The following RUBCNL variants were observed in gnomAD, a reference collection of about 807,000 sequenced individuals.
RUBCNL encodes rubicon like autophagy enhancer.
RUBCNL carries 62 observed loss-of-function variants against 69.5 expected under a neutral mutation model. The ratio of observed to expected loss-of-function variants is 0.89; its 90% CI spans 0.73 to 1.10. RUBCNL has a LOEUF of 1.10. Ranked by LOEUF, RUBCNL falls within the 50% of genes least tolerant of loss-of-function variation. RUBCNL has a pLI of 0.00. For synonymous variants in RUBCNL, 291 were observed against 303.6 expected (o/e 0.96, Z 0.43); for missense variants, 768 against 798.1 (o/e 0.96, Z 0.45).
Position 46,362,848 on chromosome 13 carries a change from T to C in RUBCNL, c.926-250A>G, listed in dbSNP as rs541432790. On this transcript the variant is annotated intron_variant, in intron 6 of 14. Coordinates refer to ENST00000429979, the MANE Select transcript of RUBCNL (RefSeq NM_025113.5). ...AGGCCAAAGAGATATCCGACCATAATGAATATCTGCTTTTTCATTCAACTC... is the reference window on the plus strand; with the variant it reads ...AGGCCAAAGAGATATCCGACCATAACGAATATCTGCTTTTTCATTCAACTC... 4.2e-5 allele frequency among the ~76,000 whole-genome samples: 6 copies of C among 143,392 alleles called. No individual in the cohort carries two copies. In the East Asian group the frequency reaches 1.2e-3, roughly 29 times the overall value. The allele number at this position is 143,392 out of a possible 152,430, so 94.1% of individuals were successfully genotyped here.
Position 46,368,220 on chromosome 13 carries a change from C to A in RUBCNL, c.648G>T (p.Met216Ile), listed in dbSNP as rs146752948. The A allele has an allele frequency of 1.1e-3, 1,740 of 1,613,556 alleles. 3 individuals carry two copies. The highest frequency in any genetic ancestry group is 1.4e-3 in the Non-Finnish European group (1,630 of 1,179,760). ...TCATTTTCTCCATTGCTGATATAAT[C>A]ATATCTGCAACATAAAAGTGGGCAT... is the stretch of plus-strand genomic sequence containing the variant. Reference protein sequence around the residue: ...KENAHFYVADMIISAMEKMKC... With the variant: ...KENAHFYVADIIISAMEKMKC... The change falls in exon 5 of 15, where the codon ATG becomes ATT. Residue 216 changes from methionine to isoleucine, a missense_variant. By Grantham distance (10) the Met-to-Ile change is conservative. Coordinates refer to ENST00000429979, the MANE Select transcript of RUBCNL (RefSeq NM_025113.5).
chr13:46,376,689 C>A (rs1293596744), intron 2 of RUBCNL, among the ~76,000 whole-genome samples: 2 of 152,234 alleles, frequency 1.3e-5, no homozygotes, highest in Non-Finnish European at 2.9e-5. Flanking sequence ...CCCCAAGCCC[C>A]ACAATCCTAC....
In RUBCNL at chr13:46,350,154, G is replaced by T; in HGVS notation, c.1528C>A (p.Gln510Lys). ...TCCTTGGCTTTCGCATACAGGCTTTGGCCGATGCTCAGCAAATTGAAAATG... is the reference window on the plus strand; with the variant it reads ...TCCTTGGCTTTCGCATACAGGCTTTTGCCGATGCTCAGCAAATTGAAAATG... ...QPIFNLLSIGQSLYAKAKELD... is the reference protein window; with the variant it reads ...QPIFNLLSIGKSLYAKAKELD... Residue 510 changes from glutamine to lysine, a missense_variant, in exon 11 of 15, where the codon CAA (glutamine) becomes AAA (lysine). Coordinates refer to ENST00000429979, the MANE Select transcript of RUBCNL (RefSeq NM_025113.5). 1 of 1,581,684 alleles carries T rather than the reference G, an allele frequency of 6.3e-7. No homozygotes were observed. Among genetic ancestry groups the T allele is most frequent in the African/African-American group, 1.3e-5 (1 of 74,360 alleles).
intron 1 of RUBCNL, among the ~76,000 whole-genome samples, chr13:46,383,322 C>T (rs553963250): frequency 6.6e-6 from 1 of 152,270 alleles, no homozygotes; most frequent in South Asian, 2.1e-4. Context: ...CAAATGAAGA[C>T]CTTACCCATC....
intron 8 of RUBCNL, among the ~76,000 whole-genome samples, chr13:46,360,205 A>G (rs762575542): frequency 1.3e-5 from 2 of 152,138 alleles, no homozygotes; most frequent in South Asian, 2.1e-4. Context: ...CCTGGCCAAC[A>G]TAGTGAAACC....
chr13:46,363,115 C>T lies in RUBCNL; in HGVS notation c.925G>A (p.Glu309Lys). The T allele has an allele frequency of 1.3e-6, 2 of 1,590,550 alleles. No homozygotes were observed. The highest frequency in any genetic ancestry group is 1.7e-6 in the Non-Finnish European group (2 of 1,167,010). Residue 309 changes from glutamate to lysine, a missense_variant and splice_region_variant, in exon 6 of 15, where the codon GAG becomes AAG. Transcript: ENST00000429979. ...CATCCAAACAGTTTCCAAATCTTAC[C>T]TAAAATAACAAATTCATCAACATCG... ...KCDVDEFVIL[E>K]LGDFNDITET...
intron 7 of RUBCNL, among the ~76,000 whole-genome samples, 183 bp downstream of exon 7, chr13:46,362,355 G>A (rs2048632555): frequency 6.6e-6 from 1 of 152,272 alleles, no homozygotes; most frequent in Middle Eastern, 3.4e-3. Flanking sequence ...TTTATATATT[G>A]TAAAACACTA....
upstream of RUBCNL, among the ~76,000 whole-genome samples, chr13:46,389,520 C>G (rs548101172): frequency 9.2e-5 from 14 of 152,276 alleles, no homozygotes; most frequent in South Asian, 2.9e-3. The surrounding 1 kb of genome is among the most constrained non-coding windows in gnomAD (Gnocchi z 4.2). Flanking sequence ...TAGTCCAAGG[C>G]AAGAAAATCG....
chr13:46,362,953 T>TAG (rs2048658919), intron 6 of RUBCNL, among the ~76,000 whole-genome samples, 162 bp downstream of exon 6: 1 of 68,194 alleles, frequency 1.5e-5, no homozygotes. Flanking sequence ...TATATATATA[T>TAG]ATATATATAT....
At chr13:46,348,894 G>A (rs1335971308) in intron 12 of RUBCNL, among the ~76,000 whole-genome samples, 1 of 152,138 alleles carries the variant, frequency 6.6e-6, no homozygotes, top group Non-Finnish European at 1.5e-5. Context: ...GAGCCACCGT[G>A]CCTGGCTGAT....
rs1178439469 is a variant in RUBCNL at position 46,339,616 on chromosome 13, T to C, written c.*3769A>G. Among the ~76,000 whole-genome samples, 2 of 152,064 alleles carry C rather than the reference T, an allele frequency of 1.3e-5. No homozygotes were observed. The highest frequency in any genetic ancestry group is 6.5e-5 in the Admixed American group (1 of 15,268). On this transcript the variant is annotated 3_prime_UTR_variant, in exon 15 of 15. Coordinates refer to ENST00000429979, the MANE Select transcript of RUBCNL (RefSeq NM_025113.5). ...GCTCAGGCCTGTAATCCCAGCACTT[T>C]TGGAAGCCGAAGCAGGCAGATCACC...
rs541703088 is a variant in RUBCNL, at chr13:46,363,305, T to C, written c.827-92A>G. On this transcript the variant is annotated intron_variant, in intron 5 of 14. Coordinates refer to ENST00000429979, the MANE Select transcript of RUBCNL (RefSeq NM_025113.5). Reference sequence around the variant, plus strand: ...ACCCAACTAAATAGAAATTGGGAAATGAAGAGGGCTAAAAGTTTAAGAGAA... The same window carrying C: ...ACCCAACTAAATAGAAATTGGGAAACGAAGAGGGCTAAAAGTTTAAGAGAA... 3 of 477,632 alleles carry C rather than the reference T, an allele frequency of 6.3e-6. No homozygotes were observed. The South Asian group carries it at 1.0e-4, about 16-fold the overall frequency. The allele number at this position is 477,632 out of a possible 1,614,324, so 29.6% of individuals were successfully genotyped here. A position where few individuals can be genotyped will look rare whatever the true frequency, so the allele number is the denominator to read the frequency against.
intron 2 of RUBCNL, among the ~76,000 whole-genome samples, chr13:46,373,033 G>GGGCCATCTCGGCTCACTGC (rs1201867463): frequency 8.6e-5 from 13 of 151,726 alleles, no homozygotes; most frequent in Non-Finnish European, 1.8e-4. Flanking sequence ...GAGTGCAGTG[G>GGGCCATCTCGGCTCACTGC]GGCCATCTCG....
chr13:46,384,261 T>G (rs529772363), intron 1 of RUBCNL, among the ~76,000 whole-genome samples: 2 of 152,326 alleles, frequency 1.3e-5, no homozygotes, highest in East Asian at 3.9e-4. Context: ...TGCCAAAAAC[T>G]TCTAAGAATC....
intron 3 of RUBCNL, among the ~76,000 whole-genome samples, chr13:46,370,595 C>T (rs2048856589): frequency 6.6e-6 from 1 of 152,188 alleles, no homozygotes; most frequent in African/African-American, 2.4e-5. Context: ...CTGACAGGAG[C>T]TGTTGGGAGT....
At position 46,377,879 on chromosome 13, in the gene RUBCNL, C is replaced by G; in HGVS notation, c.-123+11G>C. 9 of 1,538,772 alleles carry G rather than the reference C, an allele frequency of 5.8e-6. No individual in the cohort carries two copies. Among genetic ancestry groups the G allele is most frequent in the Non-Finnish European group, 8.1e-6 (9 of 1,116,436 alleles). On this transcript the variant is annotated intron_variant, in intron 2 of 14. Transcript: ENST00000429979. ...GCAGAGAGAAGACAAAAGGCCAGGTCGGACACTCACCAGGAGTATGAATTT... is the reference window on the plus strand; with the variant it reads ...GCAGAGAGAAGACAAAAGGCCAGGTGGGACACTCACCAGGAGTATGAATTT...
rs2048167623 is a variant in RUBCNL at position 46,342,992 on chromosome 13, G to T, written c.*393C>A. The T allele has an allele frequency of 1.1e-5, 2 of 186,456 alleles. No individual in the cohort carries two copies. Among genetic ancestry groups the T allele is most frequent in the Non-Finnish European group, 2.2e-5 (2 of 90,438 alleles). The allele number at this position is 186,456 out of a possible 1,614,324, so 11.6% of individuals were successfully genotyped here. A position where few individuals can be genotyped will look rare whatever the true frequency, so the allele number is the denominator to read the frequency against. On this transcript the variant is annotated 3_prime_UTR_variant, in exon 15 of 15. Transcript: ENST00000429979. ...GGGGTCATATTTTTGTTCACTGAAA[G>T]GACCAACCAGTTTCATCAAACAAGC...
intron 2 of RUBCNL, among the ~76,000 whole-genome samples, chr13:46,375,682 G>A (rs2048976543): frequency 6.6e-6 from 1 of 152,158 alleles, no homozygotes; most frequent in African/African-American, 2.4e-5. Flanking sequence ...AAGTTCAGTA[G>A]ACCAAAATAA....
chr13:46,363,146 G>T lies in RUBCNL; in HGVS notation c.894C>A (p.Cys298Ter), dbSNP rs1372129214. Residue 298 changes from cysteine (C) to a stop codon, truncating the protein, a stop_gained, in exon 6 of 15, where the codon TGC becomes TGA. Transcript: ENST00000429979. LOFTEE classifies it high-confidence loss of function. ...TAACAAATTCATCAACATCGCATTTGCAAATCTCTTTCACATCATGGTAAG... is the reference window on the plus strand; with the variant it reads ...TAACAAATTCATCAACATCGCATTTTCAAATCTCTTTCACATCATGGTAAG... ...TRTYHDVKEI[C>*]KCDVDEFVIL... The T allele has an allele frequency of 1.2e-6, 2 of 1,600,860 alleles. No individual in the cohort carries two copies. The highest frequency in any genetic ancestry group is 4.5e-5 in the East Asian group (2 of 44,144).
Sources: allele counts gnomAD v4.1 joint callset (sites outside exome capture counted in the v4.1 genomes callset), GRCh38; gene constraint gnomAD v4.1.1; non-coding constraint Gnocchi (gnomAD v3.1); transcripts MANE v1.5; gene names NCBI Gene and HGNC (gene_info 2026-07-23, HGNC 2026-07-21).